GAGE1: variants seen among roughly 807,000 people sequenced by gnomAD.
The protein encoded by GAGE1 is G antigen 1.
Under a neutral mutation model 5.0 loss-of-function variants are expected in GAGE1, and 5 were observed. That is an observed-to-expected ratio of 1.00 (90% CI 0.52 to 2.11). The LOEUF is 2.11. Among genes scored for constraint, GAGE1 ranks in the 30% most tolerant of loss-of-function variants. The probability of loss-of-function intolerance (pLI) is 0.01; values close to 1 mark genes in which losing one functional copy is unlikely to be tolerated. For synonymous variants in GAGE1, 6 were observed against 14.8 expected, an observed-to-expected ratio of 0.40 and a Z score of 1.37; for missense variants, 9 against 38.9, an observed-to-expected ratio of 0.23 and a Z score of 2.04.
intron 4 of GAGE1, among the ~76,000 whole-genome samples, chrX:49,605,526 A>T (rs1275269936): frequency 8.9e-6 from 1 of 112,205 alleles, no homozygotes; most frequent in Non-Finnish European, 1.9e-5. Context: ...AATTGGATAT[A>T]CGACAGAGGA....
intron 3 of GAGE1, among the ~76,000 whole-genome samples, chrX:49,602,344 T>G (rs1428178490): frequency 1.2e-5 from 1 of 84,355 alleles, no homozygotes; most frequent in African/African-American, 3.5e-5. Context: ...TGTACCACAA[T>G]TGGAAATTCC....
intron 4 of GAGE1, chrX:49,605,231 T>G: frequency 1.4e-6 from 1 of 708,291 alleles, no homozygotes. Flanking sequence ...AGCCACTATT[T>G]CTAATAAGAC....
At chrX:49,604,353 A>G (rs1361473334) in intron 4 of GAGE1, among the ~76,000 whole-genome samples, 1 of 112,267 alleles carries the variant, frequency 8.9e-6, no homozygotes, top group Non-Finnish European at 1.9e-5. Context: ...ATAATTTTCA[A>G]ATGCTTTTGC....
At chrX:49,604,542 A>C (rs1195758242) in intron 4 of GAGE1, among the ~76,000 whole-genome samples, 1 of 112,225 alleles carries the variant, frequency 8.9e-6, no homozygotes, top group Admixed American at 9.5e-5. Context: ...AGTTTAAGTC[A>C]GAGATTTTAA....
Position 49,606,080 on chromosome X carries a change from C to G in GAGE1, c.*65C>G. 1 of 779,288 alleles carries G rather than the reference C, an allele frequency of 1.3e-6. No homozygotes were observed. The allele number at this position is 779,288 out of a possible 1,213,427, so 64.2% of individuals were successfully genotyped here. The stretch of plus-strand genomic sequence containing the variant: ...GGAAAATTCTTCATTGAAGTTCTCC[C>G]AATAAAGCTTTACAGCCTTCTGCAA... On this transcript the variant is annotated 3_prime_UTR_variant, in exon 5 of 5. Coordinates refer to ENST00000381700, the MANE Select transcript of GAGE1 (RefSeq NM_001040663.4).
chrX:49,605,991 A>G lies in GAGE1; in HGVS notation c.332-2A>G. On this transcript the variant is annotated splice_acceptor_variant, in intron 4 of 4. Transcript: ENST00000381700. LOFTEE classifies it high-confidence loss of function. ...GTTCCCAACTGTTTTGTTTTGTTTC[A>G]GGTGAAGGGCAATCACAGTGTTAAA... is the stretch of plus-strand genomic sequence containing the variant. 9.4e-7 allele frequency: 1 copy of G among 1,067,152 alleles called. No individual in the cohort carries two copies. The highest frequency in any genetic ancestry group is 1.2e-6 in the Non-Finnish European group (1 of 817,559). The allele number at this position is 1,067,152 out of a possible 1,213,427, so 87.9% of individuals were successfully genotyped here.
chrX:49,602,581 C>A lies in GAGE1; in HGVS notation c.206-1087C>A, dbSNP rs782212452. Among the ~76,000 whole-genome samples the A allele has an allele frequency of 3.9e-4, 33 of 85,062 alleles. 1 individual carries two copies. The highest frequency in any genetic ancestry group is 1.0e-3 in the African/African-American group (30 of 29,189). The allele number at this position is 85,062 out of a possible 115,157, so 73.9% of individuals were successfully genotyped here. ...ACACTCACACACACACACACACACACATACGGATATATGTTTACTGTTATT... is the reference window on the plus strand; with the variant it reads ...ACACTCACACACACACACACACACAAATACGGATATATGTTTACTGTTATT... On this transcript the variant is annotated intron_variant, in intron 3 of 4. Coordinates refer to ENST00000381700, the MANE Select transcript of GAGE1 (RefSeq NM_001040663.4).
At chrX:49,605,541 C>G (rs1310500633) in intron 4 of GAGE1, among the ~76,000 whole-genome samples, 1 of 111,970 alleles carries the variant, frequency 8.9e-6, no homozygotes, top group Admixed American at 9.5e-5. Flanking sequence ...AGAGGATCAC[C>G]TTAGCGTTCT....
intron 4 of GAGE1, among the ~76,000 whole-genome samples, chrX:49,604,720 G>T (rs782133957): frequency 8.9e-6 from 1 of 112,028 alleles, no homozygotes; most frequent in Admixed American, 9.4e-5. Context: ...AGAAAGTGAG[G>T]GGGCACTCTG....
rs200865185 is a variant in GAGE1, at chrX:49,606,050, A to C, written c.*35A>C. The C allele has an allele frequency of 1.1e-3, 1,113 of 990,565 alleles. 2 individuals carry two copies. The highest frequency in any genetic ancestry group is 1.2e-3 in the Non-Finnish European group (904 of 756,488). 81.6% of individuals were successfully genotyped at this position (990,565 alleles called of 1,213,427 possible). A position where few individuals can be genotyped will look rare whatever the true frequency, so the allele number is the denominator to read the frequency against. On this transcript the variant is annotated 3_prime_UTR_variant, in exon 5 of 5. Coordinates refer to ENST00000381700, the MANE Select transcript of GAGE1 (RefSeq NM_001040663.4). ...TGCTGAAATGTTGCAGGCTGCTCCTATGTTGGAAAATTCTTCATTGAAGTT... is the reference window on the plus strand; with the variant it reads ...TGCTGAAATGTTGCAGGCTGCTCCTCTGTTGGAAAATTCTTCATTGAAGTT...
Position 49,605,975 on chromosome X carries a change from T to A in GAGE1, c.332-18T>A, listed in dbSNP as rs1867507252. On this transcript the variant is annotated intron_variant, in intron 4 of 4. Coordinates refer to ENST00000381700, the MANE Select transcript of GAGE1 (RefSeq NM_001040663.4). ...TCTGTTGCTCTGTAATGTTCCCAACTGTTTTGTTTTGTTTCAGGTGAAGGG... is the reference window on the plus strand; with the variant it reads ...TCTGTTGCTCTGTAATGTTCCCAACAGTTTTGTTTTGTTTCAGGTGAAGGG... The A allele has an allele frequency of 9.7e-7, 1 of 1,031,202 alleles. No homozygotes were observed. The highest frequency in any genetic ancestry group is 1.3e-6 in the Non-Finnish European group (1 of 788,342). The allele number at this position is 1,031,202 out of a possible 1,213,427, so 85.0% of individuals were successfully genotyped here.
Position 49,606,385 on chromosome X carries a change from T to C in GAGE1, c.*370T>C, listed in dbSNP as rs1223594283. ...TTTGTTTTTTCTTTTGTATTTTTCG[T>C]AGAGGTGGGATTTTGGCCTGTGTCC... is the stretch of plus-strand genomic sequence containing the variant. On this transcript the variant is annotated 3_prime_UTR_variant, in exon 5 of 5. Transcript: ENST00000381700. 1.7e-5 allele frequency: 2 copies of C among 114,786 alleles called. No individual in the cohort carries two copies. Among genetic ancestry groups the C allele is most frequent in the African/African-American group, 3.2e-5 (1 of 31,022 alleles). 9.5% of individuals were successfully genotyped at this position (114,786 alleles called of 1,213,427 possible).
chrX:49,606,320 T>C lies in GAGE1; in HGVS notation c.*305T>C, dbSNP rs5906846. 70,475 of 148,464 alleles carry C rather than the reference T, an allele frequency of 0.47. 13,973 individuals carry two copies. Among genetic ancestry groups the C allele is most frequent in the Middle Eastern group, 0.6 (226 of 375 alleles). 12.2% of individuals were successfully genotyped at this position (148,464 alleles called of 1,213,427 possible). ...TCAGTTTTCAACCTACAGAATCATA[T>C]CATTTTTGAATAAGAACAATTTTGT... is the stretch of plus-strand genomic sequence containing the variant. On this transcript the variant is annotated 3_prime_UTR_variant, in exon 5 of 5. Coordinates refer to ENST00000381700, the MANE Select transcript of GAGE1 (RefSeq NM_001040663.4).
At position 49,606,240 on chromosome X, in the gene GAGE1, C is replaced by T. The variant is rs1186840332; in HGVS notation, c.*225C>T. ...TAATTCTCATGTATTGATTTTCTAT[C>T]CAGCAACCTTGTTAAATATGCTTAT... On this transcript the variant is annotated 3_prime_UTR_variant, in exon 5 of 5. Coordinates refer to ENST00000381700, the MANE Select transcript of GAGE1 (RefSeq NM_001040663.4). 1 of 238,261 alleles carries T rather than the reference C, an allele frequency of 4.2e-6. No homozygotes were observed. Among genetic ancestry groups the T allele is most frequent in the Non-Finnish European group, 7.8e-6 (1 of 127,428 alleles). The allele number at this position is 238,261 out of a possible 1,213,427, so 19.6% of individuals were successfully genotyped here. A position where few individuals can be genotyped will look rare whatever the true frequency, so the allele number is the denominator to read the frequency against.
chrX:49,602,650 T>C lies in GAGE1; in HGVS notation c.206-1018T>C, dbSNP rs781986995. Among the ~76,000 whole-genome samples, 402 of 92,078 alleles carry C rather than the reference T, an allele frequency of 4.4e-3. 6 individuals are homozygous for C. Among genetic ancestry groups the C allele is most frequent in the African/African-American group, 0.013 (384 of 29,231 alleles). 80.0% of individuals were successfully genotyped at this position (92,078 alleles called of 115,157 possible). ...TAAAGTTTCAGGTATTATGGTCCTT[T>C]ACCCTATGTACTTGAGGGTGTGTTT... On this transcript the variant is annotated intron_variant, in intron 3 of 4. Transcript: ENST00000381700.
intron 4 of GAGE1, 60 bp from the exon 5 acceptor site, chrX:49,605,933 A>AATC: frequency 1.6e-6 from 1 of 612,572 alleles, no homozygotes; most frequent in Non-Finnish European, 2.2e-6. Context: ...TAATAATAAT[A>AATC]ATAATAATAA....
At chrX:49,602,200 A>T (rs1444436076) in intron 3 of GAGE1, among the ~76,000 whole-genome samples, 1 of 113,140 alleles carries the variant, frequency 8.8e-6, no homozygotes, top group African/African-American at 3.2e-5. Context: ...AAATAAATAA[A>T]GTTTTCATGG....
Position 49,603,941 on chromosome X carries a change from C to T in GAGE1, c.331+148C>T, listed in dbSNP as rs1557131500. ...CATCTCGGCTCACTGGAAATTCTGT[C>T]TCCAGGGTTCAAGTGATTCTCCTGC... On this transcript the variant is annotated intron_variant, in intron 4 of 4. Transcript: ENST00000381700. The T allele has an allele frequency of 1.0e-5, 10 of 964,395 alleles. No homozygotes were observed. In the East Asian group the frequency reaches 3.1e-4, roughly 30 times the overall value. 79.5% of individuals were successfully genotyped at this position (964,395 alleles called of 1,213,427 possible).
chrX:49,604,367 G>C (rs2066637689), intron 4 of GAGE1, among the ~76,000 whole-genome samples: 1 of 112,064 alleles, frequency 8.9e-6, no homozygotes, highest in African/African-American at 3.2e-5. Flanking sequence ...CTTTTGCAAA[G>C]GTCTGCTTTT....
Sources: allele counts gnomAD v4.1 joint callset (sites outside exome capture counted in the v4.1 genomes callset), GRCh38; gene constraint gnomAD v4.1.1; transcripts MANE v1.5; gene names NCBI Gene and HGNC (gene_info 2026-07-23, HGNC 2026-07-21).